BICRAL: variants seen among roughly 807,000 people sequenced by gnomAD.
The protein encoded by BICRAL is BICRA like chromatin remodeling complex associated protein.
BICRAL carries 8 observed loss-of-function variants against 91.8 expected under a neutral mutation model. The ratio of observed to expected loss-of-function variants is 0.09; its 90% confidence interval spans 0.05 to 0.16. BICRAL has a LOEUF of 0.16. BICRAL is among the 10% of genes least tolerant of loss of function. The pLI, the probability that BICRAL is intolerant of heterozygous loss-of-function variation, is 1.00. For missense variants in BICRAL, 1,038 were observed against 1,310.9 expected, an observed-to-expected ratio of 0.79 and a Z score of 3.21; for synonymous variants, 445 against 491.1, an observed-to-expected ratio of 0.91 and a Z score of 1.24.
intron 1 of BICRAL, among the ~76,000 whole-genome samples, chr6:42,800,459 C>T (rs999349894): frequency 3.3e-5 from 5 of 152,190 alleles, no homozygotes; most frequent in South Asian, 2.1e-4. Context: ...CCACCACGCC[C>T]GGCCTTAAAT....
chr6:42,791,879 A>G (rs542580026), intron 1 of BICRAL, among the ~76,000 whole-genome samples: 1 of 152,212 alleles, frequency 6.6e-6, no homozygotes, highest in Non-Finnish European at 1.5e-5. Flanking sequence ...GCTCTTACGC[A>G]AACCAATATG....
chr6:42,792,659 A>T (rs1763305542), intron 1 of BICRAL, among the ~76,000 whole-genome samples: 1 of 144 alleles, frequency 6.9e-3, no homozygotes. Context: ...TATGCTTGTA[A>T]TCCCGCACTT....
At chr6:42,795,509 A>G (rs1033609105) in intron 1 of BICRAL, among the ~76,000 whole-genome samples, 12 of 152,214 alleles carry the variant, frequency 7.9e-5, no homozygotes, top group Admixed American at 7.2e-4. Context: ...GTCATATATT[A>G]CCTAAATTCC....
intron 1 of BICRAL, among the ~76,000 whole-genome samples, chr6:42,748,853 A>G (rs1413530879): frequency 6.6e-6 from 1 of 152,192 alleles, no homozygotes; most frequent in Non-Finnish European, 1.5e-5. Flanking sequence ...CTGTGTTTGC[A>G]TCCTCTCTCT....
chr6:42,747,775 G>A (rs926761843), intron 1 of BICRAL, among the ~76,000 whole-genome samples: 3 of 151,528 alleles, frequency 2.0e-5, no homozygotes, highest in Admixed American at 1.3e-4. Flanking sequence ...ATTAGGTGAG[G>A]CTTCTGTTTT....
At chr6:42,861,384 C>T (rs143460825) in intron 11 of BICRAL, among the ~76,000 whole-genome samples, 8 of 152,266 alleles carry the variant, frequency 5.3e-5, no homozygotes, top group Admixed American at 1.3e-4. Context: ...TTGTCATCAC[C>T]ACTGTCTAAT....
intron 6 of BICRAL, among the ~76,000 whole-genome samples, chr6:42,846,794 G>C (rs897722016): frequency 1.3e-5 from 2 of 152,208 alleles, no homozygotes; most frequent in African/African-American, 4.8e-5. Context: ...TGTAGCGGTT[G>C]CTTCTTCCCT....
rs138317994 is a variant in BICRAL at position 42,765,960 on chromosome 6, A to G, written c.-260-15879A>G. Among the ~76,000 whole-genome samples, 830 of 152,248 alleles carry G rather than the reference A, an allele frequency of 5.5e-3. 1 individual carries two copies. Among genetic ancestry groups the G allele is most frequent in the Non-Finnish European group, 8.6e-3 (582 of 68,022 alleles). ...GATTTGTTTGTTTGCTACTAATTCCAGTGCTTTTTGTTTTTGTTTTCTATT... is the reference window on the plus strand; with the variant it reads ...GATTTGTTTGTTTGCTACTAATTCCGGTGCTTTTTGTTTTTGTTTTCTATT... On this transcript the variant is annotated intron_variant, in intron 1 of 14. Coordinates refer to the BICRAL transcript ENST00000614467.
At chr6:42,815,167 T>C (rs992392265) in intron 2 of BICRAL, among the ~76,000 whole-genome samples, 1 of 150,826 alleles carries the variant, frequency 6.6e-6, no homozygotes, top group Admixed American at 6.6e-5. Flanking sequence ...TTTCTTCCAT[T>C]GCTACTGGTC....
At chr6:42,746,726 C>T (rs544275562), upstream of BICRAL, among the ~76,000 whole-genome samples, 1 of 152,118 alleles carries the variant, frequency 6.6e-6, no homozygotes, top group African/African-American at 2.4e-5. Flanking sequence ...CCCCCTCCCC[C>T]CTATCCACTG....
At chr6:42,810,652 A>G (rs1236845989) in intron 2 of BICRAL, among the ~76,000 whole-genome samples, 1 of 152,226 alleles carries the variant, frequency 6.6e-6, no homozygotes, top group Non-Finnish European at 1.5e-5. Context: ...CTCAAACACA[A>G]TAGTTCACTT....
chr6:42,854,591 C>T (rs1765287286), intron 8 of BICRAL, among the ~76,000 whole-genome samples: 1 of 152,184 alleles, frequency 6.6e-6, no homozygotes, highest in South Asian at 2.1e-4. Flanking sequence ...GATCACAGCT[C>T]ACTGAAGCCT....
rs1170280314 is a variant in BICRAL, at chr6:42,866,109, A to G, written c.*663A>G. 1 of 152,342 alleles carries G rather than the reference A, an allele frequency of 6.6e-6. No individual in the cohort carries two copies. Among genetic ancestry groups the G allele is most frequent in the African/African-American group, 2.4e-5 (1 of 41,424 alleles). The allele number at this position is 152,342 out of a possible 1,614,324, so 9.4% of individuals were successfully genotyped here. A position where few individuals can be genotyped will look rare whatever the true frequency, so the allele number is the denominator to read the frequency against. ...GCAGGGCTTCCCTATTGATGGTTCA[A>G]GTGCTTTTCTGATGCTTCCGGAGCA... On this transcript the variant is annotated 3_prime_UTR_variant, in exon 13 of 13. Coordinates refer to ENST00000314073, the MANE Select transcript of BICRAL (RefSeq NM_001393499.1).
chr6:42,839,400 T>C (rs1764724931), intron 6 of BICRAL, among the ~76,000 whole-genome samples: 1 of 152,076 alleles, frequency 6.6e-6, no homozygotes, highest in South Asian at 2.1e-4. Context: ...CACCTCAGCC[T>C]CCCAAAGTGC....
intron 6 of BICRAL, among the ~76,000 whole-genome samples, chr6:42,832,375 A>ATG (rs1562484596): frequency 6.8e-6 from 1 of 147,074 alleles, no homozygotes; most frequent in Admixed American, 6.9e-5. Context: ...TATTATATAT[A>ATG]TATGTATGTA....
intron 6 of BICRAL, among the ~76,000 whole-genome samples, chr6:42,848,729 G>A (rs1038939525): frequency 5.3e-5 from 8 of 152,030 alleles, no homozygotes; most frequent in Admixed American, 3.9e-4. Flanking sequence ...CTGTAGTCCC[G>A]GCTACTCGGG....
At chr6:42,765,304 C>G (rs1008851934) in intron 1 of BICRAL, among the ~76,000 whole-genome samples, 1 of 152,146 alleles carries the variant, frequency 6.6e-6, no homozygotes, top group Admixed American at 6.5e-5. Context: ...AATGTGAATG[C>G]GTAACAGGGC....
chr6:42,761,202 C>T (rs1242296881), intron 1 of BICRAL, among the ~76,000 whole-genome samples: 1 of 152,232 alleles, frequency 6.6e-6, no homozygotes, highest in Non-Finnish European at 1.5e-5. Context: ...CGCCTGTAAT[C>T]CCAGCAGTTT....
intron 1 of BICRAL, among the ~76,000 whole-genome samples, chr6:42,800,732 A>G (rs902301872): frequency 6.6e-6 from 1 of 151,972 alleles, no homozygotes; most frequent in Non-Finnish European, 1.5e-5. Flanking sequence ...CACATTTTCT[A>G]TTTGAGTCTG....
Sources: gnomAD v4.1 joint callset for allele counts (sites outside exome capture counted in the v4.1 genomes callset) on GRCh38, gnomAD v4.1.1 for gene constraint, MANE v1.5 for transcripts, NCBI Gene and HGNC (gene_info 2026-07-23, HGNC 2026-07-21) for gene names.